TTC21B: variants seen among roughly 807,000 people sequenced by gnomAD.
TTC21B encodes the protein tetratricopeptide repeat domain 21B.
TTC21B carries 127 observed loss-of-function variants against 175.1 expected under a neutral mutation model. The ratio of observed to expected loss-of-function variants is 0.73; its 90% confidence interval spans 0.63 to 0.84. The LOEUF (loss-of-function observed/expected upper bound fraction) is 0.84, where lower values mean the gene tolerates loss of function less well. Among genes scored for constraint, TTC21B ranks in the 40% least tolerant of loss-of-function variants. The pLI is 0.00. For missense variants in TTC21B, 1,561 were observed against 1,558.3 expected, an observed-to-expected ratio of 1.00 and a Z score of -0.03; for synonymous variants, 524 against 524.5, an observed-to-expected ratio of 1.00 and a Z score of 0.01.
chr2:165,883,088 G>C (rs1684888507), intron 26 of TTC21B, among the ~76,000 whole-genome samples: 1 of 151,914 alleles, frequency 6.6e-6, no homozygotes, highest in Admixed American at 6.6e-5. Context: ...CGCTCAATGA[G>C]AATAAAACAG....
chr2:165,934,569 G>A (rs1687053558), intron 6 of TTC21B, among the ~76,000 whole-genome samples: 1 of 139,286 alleles, frequency 7.2e-6, no homozygotes, highest in Non-Finnish European at 1.5e-5. Flanking sequence ...AATTATCAGA[G>A]TCCATTGAAA....
At chr2:165,900,904 CT>C (rs34392684) in intron 20 of TTC21B, among the ~76,000 whole-genome samples, 268 of 135,626 alleles carry the variant, frequency 2.0e-3, no homozygotes, top group Non-Finnish European at 1.9e-3. Flanking sequence ...TTTTTCTTTT[CT>C]TTTTTTTTTT....
intron 12 of TTC21B, among the ~76,000 whole-genome samples, chr2:165,924,145 A>C: frequency 6.6e-6 from 1 of 152,312 alleles, no homozygotes; most frequent in Middle Eastern, 3.4e-3. Flanking sequence ...TAAGCTATCC[A>C]TAACAATTCA....
chr2:165,917,898 G>A (rs1686237247), intron 13 of TTC21B, among the ~76,000 whole-genome samples: 1 of 151,286 alleles, frequency 6.6e-6, no homozygotes, highest in Non-Finnish European at 1.5e-5. Context: ...AAGATTAAAA[G>A]TTTCAGGACA....
intron 27 of TTC21B, among the ~76,000 whole-genome samples, chr2:165,880,475 G>T (rs1195952868): frequency 6.6e-6 from 1 of 152,098 alleles, no homozygotes; most frequent in Non-Finnish European, 1.5e-5. Flanking sequence ...AGTGACTGAG[G>T]ACAAGTTTGG....
At chr2:165,935,060 C>T (rs1394806945) in intron 6 of TTC21B, among the ~76,000 whole-genome samples, 1 of 152,148 alleles carries the variant, frequency 6.6e-6, no homozygotes, top group Non-Finnish European at 1.5e-5. Context: ...GGAATGACTT[C>T]TCTACATTAT....
At chr2:165,899,670 C>T (rs767851918) in intron 21 of TTC21B, 100 bp downstream of exon 21, 8 of 773,242 alleles carry the variant, frequency 1.0e-5, no homozygotes, top group African/African-American at 6.8e-5. Flanking sequence ...CAAAAGCCAA[C>T]GTGAGCCATG....
chr2:165,896,129 A>T (rs62177808), intron 22 of TTC21B, among the ~76,000 whole-genome samples: 143,809 of 152,138 alleles, frequency 0.95, 68,502 homozygotes, highest in East Asian at 1. Context: ...GGCTCTGAGC[A>T]CAGATGCCTA....
In TTC21B at chr2:165,873,434, T is replaced by C. The variant is rs554239706; in HGVS notation, c.*1321A>G. On this transcript the variant is annotated 3_prime_UTR_variant, in exon 29 of 29. Transcript: ENST00000243344. ...GTGTTTACTACAATTTTAAGGAAAA[T>C]TGAAAAAGATGTAGATGAGAAATTA... The C allele has an allele frequency of 1.4e-4, 22 of 152,148 alleles. No individual in the cohort carries two copies. Among genetic ancestry groups the C allele is most frequent in the Non-Finnish European group, 2.5e-4 (17 of 68,004 alleles). The allele number at this position is 152,148 out of a possible 1,614,324, so 9.4% of individuals were successfully genotyped here.
chr2:165,934,517 A>AAAAAAAAAAAAAG (rs1553514802), intron 6 of TTC21B, among the ~76,000 whole-genome samples: 9 of 116,520 alleles, frequency 7.7e-5, no homozygotes, highest in African/African-American at 2.6e-4. Flanking sequence ...AAAAAAAAAA[A>AAAAAAAAAAAAAG]AAAAGAAAAG....
rs188251534 is a variant in TTC21B at position 165,950,399 on chromosome 2, A to G, written c.22-675T>C. Among the ~76,000 whole-genome samples the G allele has an allele frequency of 2.5e-3, 384 of 152,260 alleles. 4 individuals are homozygous for G. Among genetic ancestry groups the G allele is most frequent in the South Asian group, 0.021 (101 of 4,822 alleles). ...TAAAAATGGGCCTGTGCTGTCTACC[A>G]TTTTTCCTACGATTATGTCTAAGGC... On this transcript the variant is annotated intron_variant, in intron 1 of 28. Transcript: ENST00000243344.
At position 165,949,692 on chromosome 2, in the gene TTC21B, A is replaced by G. The variant is rs1574148640; in HGVS notation, c.54T>C (p.Tyr18=). The change falls in exon 2 of 29, where the codon TAT becomes TAC. Residue 18 remains tyrosine (Y), a synonymous_variant. Coordinates refer to ENST00000243344, the MANE Select transcript of TTC21B (RefSeq NM_024753.5). Reference sequence around the variant, plus strand: ...TGGCAACCAGTAATACATGATGGAAATATCTCTCTTGACAATAGTAATTAA... The same window carrying G: ...TGGCAACCAGTAATACATGATGGAAGTATCTCTCTTGACAATAGTAATTAA... ...TLINYYCQER[Y]FHHVLLVASE... The G allele has an allele frequency of 6.2e-7, 1 of 1,612,308 alleles. No individual in the cohort carries two copies. The highest frequency in any genetic ancestry group is 8.5e-7 in the Non-Finnish European group (1 of 1,178,838).
At chr2:165,882,461 C>G (rs1376260623) in intron 26 of TTC21B, among the ~76,000 whole-genome samples, 5 of 152,062 alleles carry the variant, frequency 3.3e-5, no homozygotes, top group Non-Finnish European at 7.4e-5. Flanking sequence ...TTGCAGTTAT[C>G]ATTCTTATCA....
intron 25 of TTC21B, among the ~76,000 whole-genome samples, chr2:165,884,232 T>C (rs560499107): frequency 1.1e-4 from 17 of 152,220 alleles, no homozygotes; most frequent in Non-Finnish European, 1.9e-4. Context: ...GTCAAGATAA[T>C]TGAAGATAAT....
At chr2:165,929,079 C>A (rs1323589113) in intron 11 of TTC21B, 56 bp downstream of exon 11, 1 of 1,538,288 alleles carries the variant, frequency 6.5e-7, no homozygotes, top group South Asian at 1.1e-5. Flanking sequence ...CTTTTAAGTT[C>A]TTTCATAAAA....
intron 21 of TTC21B, 69 bp downstream of exon 21, chr2:165,899,701 T>A: frequency 1.0e-6 from 1 of 1,002,448 alleles, no homozygotes; most frequent in Middle Eastern, 2.0e-4. Flanking sequence ...TAGTAGTAGT[T>A]CCATGGGGTA....
chr2:165,899,570 C>G (rs1437463607), intron 21 of TTC21B, among the ~76,000 whole-genome samples, 200 bp downstream of exon 21: 1 of 152,162 alleles, frequency 6.6e-6, no homozygotes, highest in Admixed American at 6.5e-5. Context: ...AAAAGCCTGA[C>G]CTAGGTTTAT....
chr2:165,937,775 A>ACAC (rs1188374059), intron 6 of TTC21B, among the ~76,000 whole-genome samples: 8 of 20,566 alleles, frequency 3.9e-4, no homozygotes, highest in African/African-American at 7.6e-4. Flanking sequence ...TAGAAACCAC[A>ACAC]CACACACACA....
chr2:165,882,878 T>G (rs1465858128), intron 26 of TTC21B, among the ~76,000 whole-genome samples: 2 of 152,152 alleles, frequency 1.3e-5, no homozygotes, highest in Non-Finnish European at 2.9e-5. Flanking sequence ...GCAGTTTAGA[T>G]TTTCAAAGCC....
Sources: gnomAD v4.1 joint callset for allele counts (sites outside exome capture counted in the v4.1 genomes callset) on GRCh38, gnomAD v4.1.1 for gene constraint, MANE v1.5 for transcripts, NCBI Gene and HGNC (gene_info 2026-07-23, HGNC 2026-07-21) for gene names.